The following LSM11 variants were observed in gnomAD, a reference collection of about 807,000 sequenced individuals.
The protein encoded by LSM11 is LSM11, U7 small nuclear RNA associated, also known as U7 snRNA-associated Sm-like protein LSm11.
LSM11 carries 14 observed loss-of-function variants against 28.1 expected under a neutral mutation model. The ratio of observed to expected loss-of-function variants is 0.50; its 90% CI spans 0.33 to 0.78. The LOEUF is 0.78. Ranked by LOEUF, LSM11 falls within the 30% of genes least tolerant of loss-of-function variation. The pLI, the probability that LSM11 is intolerant of heterozygous loss-of-function variation, is 0.02. For missense variants in LSM11, 495 were observed against 510.6 expected, an observed-to-expected ratio of 0.97 and a Z score of 0.30; for synonymous variants, 207 against 214.2, an observed-to-expected ratio of 0.97 and a Z score of 0.30.
chr5:157,752,147 C>A (rs1438602063), intron 2 of LSM11, among the ~76,000 whole-genome samples: 1 of 149,396 alleles, frequency 6.7e-6, no homozygotes, highest in Admixed American at 6.7e-5. Context: ...GTAAACAAAG[C>A]ATTTTGCATG....
Position 157,748,886 on chromosome 5 carries a change from G to C in LSM11, c.449-2504G>C, listed in dbSNP as rs527836523. On this transcript the variant is annotated intron_variant, in intron 1 of 3. Transcript: ENST00000286307. ...AAGAGTAACTTTCTCCAAAGATAAG[G>C]CATATGCTTTTTTGTCATATTTGGT... Among the ~76,000 whole-genome samples, 9 of 152,298 alleles carry C rather than the reference G, an allele frequency of 5.9e-5. No homozygotes were observed. The South Asian group carries it at 1.9e-3, about 32-fold the overall frequency.
In LSM11 at chr5:157,754,051, A is replaced by T; in HGVS notation, c.636A>T (p.Lys212Asn). The change falls in exon 3 of 4, where the codon AAA (lysine) becomes AAT (asparagine). Residue 212 changes from lysine (K) to asparagine (N), a missense_variant. Transcript: ENST00000286307. The stretch of plus-strand genomic sequence containing the variant: ...CCTACCGAAAACCTGTCCTAGGCAA[A>T]GCATATGAACGGGATTCTTCACTGA... ...DETYRKPVLGKAYERDSSLTL... is the reference protein window; with the variant it reads ...DETYRKPVLGNAYERDSSLTL... 1 of 1,574,220 alleles carries T rather than the reference A, an allele frequency of 6.4e-7. No individual in the cohort carries two copies.
At chr5:157,746,082 G>A (rs1486277543) in intron 1 of LSM11, among the ~76,000 whole-genome samples, 1 of 151,786 alleles carries the variant, frequency 6.6e-6, no homozygotes, top group Non-Finnish European at 1.5e-5. Context: ...AAAGTTGGAA[G>A]GGGGGAAAAA....
intron 1 of LSM11, among the ~76,000 whole-genome samples, chr5:157,750,623 G>A (rs983308768): frequency 6.6e-6 from 1 of 152,220 alleles, no homozygotes; most frequent in Non-Finnish European, 1.5e-5. Flanking sequence ...GATTGTACAT[G>A]TTTAAGGGCA....
Position 157,757,378 on chromosome 5 carries a change from A to G in LSM11, c.*2114A>G, listed in dbSNP as rs944416085. ...ATATCCCAGGCCTCACCCTTTTCTG[A>G]TCATTATCAGAAAGAATCCCCTGAA... On this transcript the variant is annotated 3_prime_UTR_variant, in exon 4 of 4. Coordinates refer to ENST00000286307, the MANE Select transcript of LSM11 (RefSeq NM_173491.4). The G allele has an allele frequency of 6.6e-6, 1 of 151,978 alleles. No individual in the cohort carries two copies. The highest frequency in any genetic ancestry group is 1.5e-5 in the Non-Finnish European group (1 of 68,006). 9.4% of individuals were successfully genotyped at this position (151,978 alleles called of 1,614,324 possible).
At position 157,755,824 on chromosome 5, in the gene LSM11, G is replaced by T; in HGVS notation, c.*560G>T. 1 of 400,408 alleles carries T rather than the reference G, an allele frequency of 2.5e-6. No homozygotes were observed. The highest frequency in any genetic ancestry group is 4.4e-6 in the Non-Finnish European group (1 of 227,494). The allele number at this position is 400,408 out of a possible 1,614,324, so 24.8% of individuals were successfully genotyped here. ...AGGAAAGTTACCAACTTATGTAGGG[G>T]TGAAATTTGGATAGGCGGTATGCTC... On this transcript the variant is annotated 3_prime_UTR_variant, in exon 4 of 4. Coordinates refer to ENST00000286307, the MANE Select transcript of LSM11 (RefSeq NM_173491.4).
chr5:157,747,972 G>C (rs1387252182), intron 1 of LSM11, among the ~76,000 whole-genome samples: 1 of 150,284 alleles, frequency 6.7e-6, no homozygotes, highest in African/African-American at 2.5e-5. Flanking sequence ...AATAGTCTCA[G>C]ATGATTTCTG....
chr5:157,751,500 C>T lies in LSM11; in HGVS notation c.559C>T (p.Leu187Phe). The change falls in exon 2 of 4, where the codon CTT becomes TTT. Residue 187 changes from leucine to phenylalanine, a missense_variant. Physicochemically the swap from Leu to Phe is conservative, Grantham distance 22. Coordinates refer to ENST00000286307, the MANE Select transcript of LSM11 (RefSeq NM_173491.4). ...KGLRGVCTGF[L>F]VAFDKFWNMA... is the part of the protein sequence containing the mutation. ...ACTTCGGGGCGTCTGTACAGGCTTC[C>T]TTGTTGCATTCGACAAGTTCTGGAA... The T allele has an allele frequency of 6.2e-7, 1 of 1,612,398 alleles. No homozygotes were observed. Among genetic ancestry groups the T allele is most frequent in the Non-Finnish European group, 8.5e-7 (1 of 1,179,426 alleles).
chr5:157,754,442 C>T lies in LSM11; in HGVS notation c.672+355C>T, dbSNP rs182810088. On this transcript the variant is annotated intron_variant, in intron 3 of 3. Transcript: ENST00000286307. Reference sequence around the variant, plus strand: ...GGCGTGGTGGCTCATGCCTGTAATCCCAGCACTTTGGGAGGCCGAGGCGGG... The same window carrying T: ...GGCGTGGTGGCTCATGCCTGTAATCTCAGCACTTTGGGAGGCCGAGGCGGG... Among the ~76,000 whole-genome samples, 276 of 152,096 alleles carry T rather than the reference C, an allele frequency of 1.8e-3. 1 individual carries two copies. The highest frequency in any genetic ancestry group is 6.1e-3 in the African/African-American group (255 of 41,498).
chr5:157,752,997 C>T (rs1581452282), intron 2 of LSM11, among the ~76,000 whole-genome samples: 1 of 152,262 alleles, frequency 6.6e-6, no homozygotes, highest in East Asian at 1.9e-4. Context: ...TATTGAGTAC[C>T]TGCTATGTGC....
rs1385629512 is a variant in LSM11, at chr5:157,757,466, C to T, written c.*2202C>T. On this transcript the variant is annotated 3_prime_UTR_variant, in exon 4 of 4. Transcript: ENST00000286307. ...ATGAGCATCTAAAAATGACACATCCCGAAAGGGCAATCTGTGGAAGTTTGT... is the reference window on the plus strand; with the variant it reads ...ATGAGCATCTAAAAATGACACATCCTGAAAGGGCAATCTGTGGAAGTTTGT... The T allele has an allele frequency of 4.6e-5, 7 of 152,068 alleles. No individual in the cohort carries two copies. The highest frequency in any genetic ancestry group is 2.1e-4 in the South Asian group (1 of 4,828). The allele number at this position is 152,068 out of a possible 1,614,324, so 9.4% of individuals were successfully genotyped here. A position where few individuals can be genotyped will look rare whatever the true frequency, so the allele number is the denominator to read the frequency against.
Position 157,754,895 on chromosome 5 carries a change from A to G in LSM11, c.714A>G (p.Glu238=), listed in dbSNP as rs1189734015. 1.9e-6 allele frequency: 3 copies of G among 1,614,054 alleles called. No homozygotes were observed. The highest frequency in any genetic ancestry group is 1.7e-6 in the Non-Finnish European group (2 of 1,179,950). Residue 238 remains glutamate, a synonymous_variant, in exon 4 of 4, where the codon GAA becomes GAG. Transcript: ENST00000286307. The stretch of plus-strand genomic sequence containing the variant: ...AACTTCAAGATTCCTCCAAGAAGGA[A>G]GCAGATTCTAAGTCTGCAGTTGAAG... ...RLKLQDSSKK[E]ADSKSAVEDS... is the part of the protein sequence containing the mutation.
At chr5:157,750,137 G>A (rs1347202748) in intron 1 of LSM11, among the ~76,000 whole-genome samples, 2 of 152,208 alleles carry the variant, frequency 1.3e-5, no homozygotes, top group Admixed American at 1.3e-4. Flanking sequence ...TGTAGTCCCA[G>A]CTACTCAGTG....
rs1308379772 is a variant in LSM11, at chr5:157,758,730, C to G, written c.*3466C>G. Reference sequence around the variant, plus strand: ...AGAATAGTTTTTATTTTTGAACATTCAACTTTGGTTCTTCAAAGTAATCTT... The same window carrying G: ...AGAATAGTTTTTATTTTTGAACATTGAACTTTGGTTCTTCAAAGTAATCTT... On this transcript the variant is annotated 3_prime_UTR_variant, in exon 4 of 4. Transcript: ENST00000286307. 2 of 152,202 alleles carry G rather than the reference C, an allele frequency of 1.3e-5. No individual in the cohort carries two copies. Among genetic ancestry groups the G allele is most frequent in the South Asian group, 2.1e-4 (1 of 4,834 alleles). 9.4% of individuals were successfully genotyped at this position (152,202 alleles called of 1,614,324 possible).
At position 157,756,584 on chromosome 5, in the gene LSM11, T is replaced by G. The variant is rs1483979367; in HGVS notation, c.*1320T>G. Reference sequence around the variant, plus strand: ...ATTTGTTGTGTAACATAAATAAGCCTTCTGAGAAGCAGGGTGAATAAAGTT... The same window carrying G: ...ATTTGTTGTGTAACATAAATAAGCCGTCTGAGAAGCAGGGTGAATAAAGTT... On this transcript the variant is annotated 3_prime_UTR_variant, in exon 4 of 4. Coordinates refer to ENST00000286307, the MANE Select transcript of LSM11 (RefSeq NM_173491.4). 6.6e-6 allele frequency: 1 copy of G among 152,562 alleles called. No individual in the cohort carries two copies. The highest frequency in any genetic ancestry group is 1.5e-5 in the Non-Finnish European group (1 of 68,030). 9.5% of individuals were successfully genotyped at this position (152,562 alleles called of 1,614,324 possible).
chr5:157,756,000 C>T lies in LSM11; in HGVS notation c.*736C>T, dbSNP rs894998458. On this transcript the variant is annotated 3_prime_UTR_variant, in exon 4 of 4. Coordinates refer to ENST00000286307, the MANE Select transcript of LSM11 (RefSeq NM_173491.4). ...AGATGCTTGTGTGGTGGCTTCTTGT[C>T]CTTCTCTTTGACTTCTGTGGCATGG... is the stretch of plus-strand genomic sequence containing the variant. 8.9e-5 allele frequency: 26 copies of T among 293,078 alleles called. No individual in the cohort carries two copies. In the East Asian group the frequency reaches 1.3e-3, roughly 14 times the overall value. 18.2% of individuals were successfully genotyped at this position (293,078 alleles called of 1,614,324 possible). A position where few individuals can be genotyped will look rare whatever the true frequency, so the allele number is the denominator to read the frequency against.
Position 157,751,431 on chromosome 5 carries a change from C to T in LSM11, c.490C>T (p.Arg164Cys), listed in dbSNP as rs141199540. Residue 164 changes from arginine to cysteine, a missense_variant, in exon 2 of 4, where the codon CGT becomes TGT. By Grantham distance (180) the Arg-to-Cys change is radical. Coordinates refer to ENST00000286307, the MANE Select transcript of LSM11 (RefSeq NM_173491.4). ...SPLGELHRCI[R>C]EGVKVNVHIR... is the part of the protein sequence containing the mutation. The stretch of plus-strand genomic sequence containing the variant: ...TCTGGGTGAACTCCATCGCTGTATC[C>T]GTGAGGGGGTGAAGGTGAATGTTCA... The T allele has an allele frequency of 8.7e-6, 14 of 1,611,226 alleles. No homozygotes were observed. The highest frequency in any genetic ancestry group is 2.2e-5 in the East Asian group (1 of 44,746).
At chr5:157,751,352 A>G in intron 1 of LSM11, 38 bp from the exon 2 acceptor site, 1 of 1,536,554 alleles carries the variant, frequency 6.5e-7, no homozygotes, top group Non-Finnish European at 8.7e-7. Context: ...ATGAGGGCAG[A>G]TATTAAAACT....
chr5:157,750,316 G>A (rs772131888), intron 1 of LSM11, among the ~76,000 whole-genome samples: 12 of 152,192 alleles, frequency 7.9e-5, no homozygotes, highest in Non-Finnish European at 1.5e-4. Context: ...TATTGTGAGA[G>A]CTGAGTTAAC....
Sources: allele counts gnomAD v4.1 joint callset (sites outside exome capture counted in the v4.1 genomes callset), GRCh38; gene constraint gnomAD v4.1.1; transcripts MANE v1.5; gene names NCBI Gene and HGNC (gene_info 2026-07-23, HGNC 2026-07-21).